The following A1CF variants were observed in gnomAD, a reference collection of about 807,000 sequenced individuals.
The protein encoded by A1CF is APOBEC1 complementation factor.
Under a neutral mutation model 68.9 loss-of-function variants are expected in A1CF, and 48 were observed. The observed-to-expected ratio is 0.70, with a 90% confidence interval of 0.55 to 0.89. A1CF has a LOEUF of 0.89. Among genes scored for constraint, A1CF ranks in the 40% least tolerant of loss-of-function variants. A1CF has a pLI of 0.00. For synonymous variants in A1CF, 272 were observed against 260.4 expected, an observed-to-expected ratio of 1.04 and a Z score of -0.43; for missense variants, 653 against 718.9, an observed-to-expected ratio of 0.91 and a Z score of 1.05.
At chr10:50,810,930 A>G (rs1246319383) in intron 11 of A1CF, 110 bp downstream of exon 11, 15 of 1,238,890 alleles carry the variant, frequency 1.2e-5, no homozygotes, top group East Asian at 7.8e-5. Context: ...ATTGAATGAC[A>G]AATGAGTAGG....
intron 1 of A1CF, among the ~76,000 whole-genome samples, chr10:50,878,539 C>T (rs1232764155): frequency 6.6e-6 from 1 of 152,162 alleles, no homozygotes; most frequent in South Asian, 2.1e-4. Flanking sequence ...GAGCCTTCTG[C>T]TTTAACATAT....
intron 6 of A1CF, among the ~76,000 whole-genome samples, chr10:50,835,266 G>A (rs147049544): frequency 6.1e-4 from 92 of 152,046 alleles, no homozygotes; most frequent in Non-Finnish European, 1.1e-3. Flanking sequence ...TTTGAAGAGT[G>A]TTTACAAAGG....
In A1CF at chr10:50,806,763, A is replaced by G. The variant is rs754406589; in HGVS notation, c.1727T>C (p.Val576Ala). ...GCCATATCCATCCCCTCGGGCAGTC[A>G]CTGCAAAAGTTGGGTAGACCTCATA... is the stretch of plus-strand genomic sequence containing the variant. ...TTYEVYPTFA[V>A]TARGDGYGTF The change falls in exon 13 of 13, where the codon GTG becomes GCG. Residue 576 changes from valine to alanine, a missense_variant. By Grantham distance (64) the Val-to-Ala change is moderately conservative. Transcript: ENST00000373997. The G allele has an allele frequency of 2.5e-6, 4 of 1,611,016 alleles. No individual in the cohort carries two copies. Among genetic ancestry groups the G allele is most frequent in the Admixed American group, 1.7e-5 (1 of 59,604 alleles).
intron 1 of A1CF, among the ~76,000 whole-genome samples, chr10:50,877,681 AAAT>A (rs1841573500): frequency 6.6e-6 from 1 of 152,226 alleles, no homozygotes; most frequent in Non-Finnish European, 1.5e-5. Flanking sequence ...ATAGTGATGA[AAAT>A]AATAAAGTCT....
At chr10:50,866,872 T>C (rs1322046726) in intron 1 of A1CF, among the ~76,000 whole-genome samples, 2 of 152,126 alleles carry the variant, frequency 1.3e-5, no homozygotes. Context: ...ATGAGTAATA[T>C]ATGTATATAA....
At chr10:50,864,826 C>T (rs552894730) in intron 1 of A1CF, among the ~76,000 whole-genome samples, 56 of 152,190 alleles carry the variant, frequency 3.7e-4, no homozygotes, top group African/African-American at 1.3e-3. Flanking sequence ...CCATGTTGGT[C>T]AGGCTGGTCT....
intron 5 of A1CF, 25 bp from the exon 6 acceptor site, chr10:50,836,337 T>A: frequency 2.5e-6 from 4 of 1,601,318 alleles, no homozygotes; most frequent in Non-Finnish European, 3.4e-6. Flanking sequence ...GGGATTTTGA[T>A]TGATGAGAAT....
chr10:50,820,780 T>C (rs1258789252), intron 7 of A1CF, 131 bp from the exon 8 acceptor site: 1 of 579,646 alleles, frequency 1.7e-6, no homozygotes, highest in East Asian at 3.1e-5. Context: ...AAGGATCTCA[T>C]CAAGAACATT....
chr10:50,870,494 A>G (rs1046593633), intron 1 of A1CF, among the ~76,000 whole-genome samples: 1 of 151,910 alleles, frequency 6.6e-6, no homozygotes, highest in Admixed American at 6.6e-5. Flanking sequence ...ATAGACTTTT[A>G]AAAAAGAGAA....
intron 3 of A1CF, among the ~76,000 whole-genome samples, chr10:50,852,774 G>A (rs1035581012): frequency 6.6e-6 from 1 of 152,072 alleles, no homozygotes; most frequent in Non-Finnish European, 1.5e-5. Flanking sequence ...TGCTCCTCTC[G>A]GAGCCAGTCT....
Position 50,814,573 on chromosome 10 carries a change from C to A in A1CF, c.1142-535G>T, listed in dbSNP as rs141227750. ...AAAGCATGCTTTTAGGTTCACCATG[C>A]TCTCTGATGTTCGGTCAATGTGAGG... On this transcript the variant is annotated intron_variant, in intron 9 of 12. Transcript: ENST00000373997. 1.1e-4 allele frequency among the ~76,000 whole-genome samples: 16 copies of A among 152,312 alleles called. No individual in the cohort carries two copies. The East Asian group carries it at 3.1e-3, about 29-fold the overall frequency.
At chr10:50,859,812 T>G in intron 3 of A1CF, 30 bp downstream of exon 3, 145 of 1,592,794 alleles carry the variant, frequency 9.1e-5, no homozygotes, top group Middle Eastern at 1.7e-4. Context: ...AATTCAGTGG[T>G]GAGTCTCAGC....
chr10:50,832,485 C>T (rs1839294955), intron 6 of A1CF, among the ~76,000 whole-genome samples: 2 of 152,124 alleles, frequency 1.3e-5, no homozygotes, highest in African/African-American at 2.4e-5. Context: ...TCTTCTCAGC[C>T]TAGGACCACG....
intron 10 of A1CF, among the ~76,000 whole-genome samples, chr10:50,812,988 C>A (rs1246922790): frequency 6.6e-6 from 1 of 152,038 alleles, no homozygotes; most frequent in Non-Finnish European, 1.5e-5. Flanking sequence ...TTTAGAAAAC[C>A]AGTTTTCTTC....
At chr10:50,884,202 C>A (rs559094143) in intron 1 of A1CF, among the ~76,000 whole-genome samples, 1 of 152,112 alleles carries the variant, frequency 6.6e-6, no homozygotes, top group African/African-American at 2.4e-5. Context: ...ACCACCTTGG[C>A]ATTAGTGCAG....
intron 3 of A1CF, among the ~76,000 whole-genome samples, chr10:50,856,576 CA>C (rs1840487120): frequency 6.6e-6 from 1 of 152,074 alleles, no homozygotes; most frequent in African/African-American, 2.4e-5. Flanking sequence ...TTAAAAGTCA[CA>C]TTATAACAAC....
At chr10:50,862,962 T>A (rs949382340) in intron 2 of A1CF, 2 of 152,196 alleles carry the variant, frequency 1.3e-5, no homozygotes, top group Non-Finnish European at 2.9e-5. Flanking sequence ...ATCTTTTCCA[T>A]CAAAAAGATA....
chr10:50,816,045 G>C lies in A1CF; in HGVS notation c.1102C>G (p.Leu368Val). 3 of 1,613,772 alleles carry C rather than the reference G, an allele frequency of 1.9e-6. No homozygotes were observed. Among genetic ancestry groups the C allele is most frequent in the Non-Finnish European group, 1.7e-6 (2 of 1,179,804 alleles). Residue 368 changes from leucine (L) to valine (V), a missense_variant, in exon 9 of 13, where the codon CTC becomes GTC. Coordinates refer to ENST00000373997, the MANE Select transcript of A1CF (RefSeq NM_014576.4). The stretch of plus-strand genomic sequence containing the variant: ...GCTCGGATAATGGCTCTGTTGCTGA[G>C]ATGTCCTTTGGTGGCTGGGAAATGA... ...SLHFPATKGH[L>V]SNRAIIRAPS... is the part of the protein sequence containing the mutation.
Position 50,816,244 on chromosome 10 carries a change from T to G in A1CF, c.903A>C (p.Ala301=), listed in dbSNP as rs201831949. The part of the protein sequence containing the change: ...LDGSPIEVTL[A]KPVDKDSYVR... Reference sequence around the variant, plus strand: ...CATAACTGTCCTTGTCCACTGGTTTTGCTAGGGTGACTTCAATGGGGGAAC... The same window carrying G: ...CATAACTGTCCTTGTCCACTGGTTTGGCTAGGGTGACTTCAATGGGGGAAC... The change falls in exon 9 of 13, where the codon GCA becomes GCC. Residue 301 remains alanine, a synonymous_variant. Transcript: ENST00000373997. 6.2e-7 allele frequency: 1 copy of G among 1,613,490 alleles called. No individual in the cohort carries two copies. Among genetic ancestry groups the G allele is most frequent in the East Asian group, 2.2e-5 (1 of 44,840 alleles).
Sources: allele counts gnomAD v4.1 joint callset (sites outside exome capture counted in the v4.1 genomes callset), GRCh38; gene constraint gnomAD v4.1.1; transcripts MANE v1.5; gene names NCBI Gene and HGNC (gene_info 2026-07-23, HGNC 2026-07-21).